SNTG1: variants seen among roughly 807,000 people sequenced by gnomAD.
The protein encoded by SNTG1 is gamma-1-syntrophin.
A neutral mutation model predicts 74.7 loss-of-function variants in SNTG1; 39 were observed. The ratio of observed to expected loss-of-function variants is 0.52; its 90% CI spans 0.40 to 0.68. The LOEUF (loss-of-function observed/expected upper bound fraction) is 0.68, where lower values mean the gene tolerates loss of function less well. Among genes scored for constraint, SNTG1 ranks in the 30% least tolerant of loss-of-function variants. SNTG1 has a pLI of 0.00. For missense variants in SNTG1, 685 were observed against 609.5 expected (o/e 1.12, Z -1.30); for synonymous variants, 254 against 217.1 (o/e 1.17, Z -1.49).
At chr8:50,495,043 T>C (rs2093891675) in intron 8 of SNTG1, among the ~76,000 whole-genome samples, 2 of 152,098 alleles carry the variant, frequency 1.3e-5, no homozygotes, top group African/African-American at 4.8e-5. Context: ...CATTATTGCA[T>C]AATTATACAT....
intron 1 of SNTG1, among the ~76,000 whole-genome samples, chr8:50,030,418 C>T (rs2130749109): frequency 6.6e-6 from 1 of 152,006 alleles, no homozygotes; most frequent in East Asian, 1.9e-4. Context: ...GAACTCTATA[C>T]CTAGCTATAG....
intron 1 of SNTG1, among the ~76,000 whole-genome samples, chr8:50,113,350 C>A (rs1029425302): frequency 2.0e-5 from 3 of 152,118 alleles, no homozygotes; most frequent in Non-Finnish European, 2.9e-5. Flanking sequence ...GTATTTTATT[C>A]TCTTTGAAGC....
intron 2 of SNTG1, among the ~76,000 whole-genome samples, chr8:50,180,404 G>T (rs1330179556): frequency 6.6e-6 from 1 of 152,100 alleles, no homozygotes; most frequent in East Asian, 1.9e-4. Flanking sequence ...GGAAATTTCT[G>T]AAGAGAGTAG....
chr8:50,304,434 TTAA>T (rs2130696942), intron 2 of SNTG1, among the ~76,000 whole-genome samples: 1 of 152,296 alleles, frequency 6.6e-6, no homozygotes, highest in Admixed American at 6.5e-5. Flanking sequence ...TTCTTTTGAA[TTAA>T]TAATTTTTTG....
chr8:50,619,600 G>A (rs1056131779), intron 13 of SNTG1, among the ~76,000 whole-genome samples: 1 of 151,872 alleles, frequency 6.6e-6, no homozygotes, highest in Non-Finnish European at 1.5e-5. Context: ...GCGTGGTGGC[G>A]GGCGCCTGTA....
At chr8:50,047,804 G>C (rs1451933637) in intron 1 of SNTG1, among the ~76,000 whole-genome samples, 1 of 152,152 alleles carries the variant, frequency 6.6e-6, no homozygotes, top group African/African-American at 2.4e-5. Context: ...CCATGCCTTA[G>C]AGATTCTAGA....
At chr8:50,709,280 G>A (rs1313953962) in intron 17 of SNTG1, 2 of 372,962 alleles carry the variant, frequency 5.4e-6, no homozygotes, top group Admixed American at 4.5e-5. Flanking sequence ...TATAATTGAA[G>A]GGACATTTTC....
At chr8:50,100,336 G>T (rs184255483) in intron 1 of SNTG1, among the ~76,000 whole-genome samples, 11 of 152,064 alleles carry the variant, frequency 7.2e-5, no homozygotes, top group Middle Eastern at 3.4e-3. Context: ...TAAATAGAAA[G>T]AACAAGTTCT....
intron 15 of SNTG1, among the ~76,000 whole-genome samples, chr8:50,687,278 A>G (rs957344455): frequency 6.6e-6 from 1 of 152,224 alleles, no homozygotes; most frequent in Non-Finnish European, 1.5e-5. Flanking sequence ...CGCAGAAAAC[A>G]ACTAAGTAGC....
chr8:50,617,313 G>C (rs1015628927), intron 13 of SNTG1, among the ~76,000 whole-genome samples: 1 of 151,738 alleles, frequency 6.6e-6, no homozygotes, highest in Non-Finnish European at 1.5e-5. Flanking sequence ...TGTTCAATGA[G>C]CAAATGAATC....
At chr8:49,982,688 G>T (rs561292880) in intron 1 of SNTG1, among the ~76,000 whole-genome samples, 1 of 149,986 alleles carries the variant, frequency 6.7e-6, no homozygotes, top group East Asian at 2.0e-4. Flanking sequence ...AAGGACCAAG[G>T]ATGCTACCTT....
intron 1 of SNTG1, among the ~76,000 whole-genome samples, chr8:49,984,379 A>G (rs975821589): frequency 6.6e-6 from 1 of 151,718 alleles, no homozygotes; most frequent in Non-Finnish European, 1.5e-5. Context: ...ATAATTTTGT[A>G]TTTTTAGTAG....
chr8:50,277,248 C>T (rs1586931522), intron 2 of SNTG1, among the ~76,000 whole-genome samples: 1 of 118,794 alleles, frequency 8.4e-6, no homozygotes, highest in African/African-American at 3.1e-5. Context: ...GCTTAGGCAA[C>T]TGAGCAAGAC....
chr8:50,722,657 T>A (rs1266365452), intron 17 of SNTG1, among the ~76,000 whole-genome samples: 1 of 152,172 alleles, frequency 6.6e-6, no homozygotes, highest in Non-Finnish European at 1.5e-5. Context: ...GCCCTTAGAT[T>A]GAAACAGTTT....
intron 2 of SNTG1, among the ~76,000 whole-genome samples, chr8:50,297,683 G>T (rs1334805220): frequency 6.6e-6 from 1 of 152,090 alleles, no homozygotes; most frequent in Non-Finnish European, 1.5e-5. Context: ...TGGAGATTTT[G>T]TTATGCTACT....
chr8:50,662,874 A>AT (rs1315516026), intron 15 of SNTG1, among the ~76,000 whole-genome samples: 2 of 152,178 alleles, frequency 1.3e-5, no homozygotes, highest in African/African-American at 4.8e-5. Context: ...TTGTGAATGC[A>AT]TTTTTGTCTG....
intron 13 of SNTG1, among the ~76,000 whole-genome samples, chr8:50,623,154 G>A (rs143385787): frequency 0.013 from 1,954 of 152,076 alleles, 26 homozygotes; most frequent in Middle Eastern, 0.027. Context: ...TTACAACTTA[G>A]ACACATTTAT....
At chr8:50,036,369 T>C (rs910881688) in intron 1 of SNTG1, among the ~76,000 whole-genome samples, 4 of 152,220 alleles carry the variant, frequency 2.6e-5, no homozygotes, top group Non-Finnish European at 5.9e-5. Context: ...CTCTTTTCTC[T>C]GCTTAAAACA....
chr8:50,462,478 G>A (rs2093572260), intron 8 of SNTG1, among the ~76,000 whole-genome samples: 1 of 151,052 alleles, frequency 6.6e-6, no homozygotes, highest in Non-Finnish European at 1.5e-5. Context: ...TCTTAAAATA[G>A]AACAATGAAA....
Sources: gnomAD v4.1 joint callset for allele counts (sites outside exome capture counted in the v4.1 genomes callset) on GRCh38, gnomAD v4.1.1 for gene constraint, MANE v1.5 for transcripts, NCBI Gene and HGNC (gene_info 2026-07-23, HGNC 2026-07-21) for gene names.